ATF6: variants seen among roughly 807,000 people sequenced by gnomAD.
The protein encoded by ATF6 is cyclic AMP-dependent transcription factor ATF-6 alpha.
ATF6 carries 53 observed loss-of-function variants against 83.6 expected under a neutral mutation model. The observed-to-expected ratio is 0.63, with a 90% CI of 0.51 to 0.80. The LOEUF is 0.80. ATF6 is among the 30% of genes least tolerant of loss of function. ATF6 has a pLI of 0.00. For synonymous variants in ATF6, 288 were observed against 285.8 expected, an observed-to-expected ratio of 1.01 and a Z score of -0.08; for missense variants, 744 against 797.9, an observed-to-expected ratio of 0.93 and a Z score of 0.81.
intron 15 of ATF6, among the ~76,000 whole-genome samples, chr1:161,943,712 G>A (rs1407494586): frequency 2.6e-5 from 4 of 152,030 alleles, no homozygotes; most frequent in African/African-American, 4.8e-5. Context: ...GCCAGGTCTC[G>A]AACAAAAAAT....
intron 12 of ATF6, among the ~76,000 whole-genome samples, chr1:161,855,045 A>G (rs1334029507): frequency 6.6e-6 from 1 of 152,130 alleles, no homozygotes; most frequent in Non-Finnish European, 1.5e-5. Flanking sequence ...GCTCATAGCA[A>G]ACTTCATAGG....
chr1:161,935,357 C>T (rs1186639611), intron 15 of ATF6, among the ~76,000 whole-genome samples: 1 of 152,132 alleles, frequency 6.6e-6, no homozygotes, highest in Non-Finnish European at 1.5e-5. Context: ...GGGATTAGTG[C>T]TCTCATAAAA....
At chr1:161,879,045 A>C (rs146661322) in intron 14 of ATF6, among the ~76,000 whole-genome samples, 50 of 152,284 alleles carry the variant, frequency 3.3e-4, no homozygotes, top group African/African-American at 1.2e-3. Flanking sequence ...GAGAAGGGGC[A>C]AAAGGGTGGA....
At chr1:161,901,148 G>T (rs1687779135) in intron 14 of ATF6, among the ~76,000 whole-genome samples, 1 of 151,940 alleles carries the variant, frequency 6.6e-6, no homozygotes, top group African/African-American at 2.4e-5. Context: ...AATTTTTAAG[G>T]CTAGTCTTTT....
chr1:161,853,363 T>A (rs1233103385), intron 12 of ATF6, 40 bp downstream of exon 12: 1 of 1,515,282 alleles, frequency 6.6e-7, no homozygotes, highest in Non-Finnish European at 9.1e-7. Context: ...TTGGCGTATT[T>A]GTTGGAAGGC....
intron 15 of ATF6, among the ~76,000 whole-genome samples, chr1:161,949,242 A>G: frequency 6.6e-6 from 1 of 152,168 alleles, no homozygotes; most frequent in East Asian, 1.9e-4. Flanking sequence ...GTTTATTCCA[A>G]AATATATTTA....
intron 9 of ATF6, chr1:161,840,184 C>T (rs554212149): frequency 6.6e-6 from 1 of 152,280 alleles, no homozygotes; most frequent in Non-Finnish European, 1.5e-5. Context: ...TGTTATTTTT[C>T]ATGTTTTACA....
Position 161,959,529 on chromosome 1 carries a change from G to A in ATF6, c.*875G>A, listed in dbSNP as rs930545173. 3 of 151,974 alleles carry A rather than the reference G, an allele frequency of 2.0e-5. No individual in the cohort carries two copies. The highest frequency in any genetic ancestry group is 1.9e-4 in the East Asian group (1 of 5,192). 9.4% of individuals were successfully genotyped at this position (151,974 alleles called of 1,614,324 possible). Reference sequence around the variant, plus strand: ...ACTAAAAATACAAAAAATTAGCCGGGCGTAGTGACGGGCGCCTGTAGTCCC... The same window carrying A: ...ACTAAAAATACAAAAAATTAGCCGGACGTAGTGACGGGCGCCTGTAGTCCC... On this transcript the variant is annotated 3_prime_UTR_variant, in exon 16 of 16. Coordinates refer to ENST00000367942, the MANE Select transcript of ATF6 (RefSeq NM_007348.4).
intron 7 of ATF6, among the ~76,000 whole-genome samples, chr1:161,814,123 A>T (rs34461550): frequency 6.6e-6 from 1 of 152,132 alleles, no homozygotes; most frequent in African/African-American, 2.4e-5. Context: ...ACCTCAGGTG[A>T]TCCGCCCGCC....
chr1:161,853,407 G>GT (rs3215134), intron 12 of ATF6, 84 bp downstream of exon 12: 746,169 of 1,028,624 alleles, frequency 0.73, 279,344 homozygotes, highest in Admixed American at 0.8. Flanking sequence ...TCCCTAGAAG[G>GT]TTGGTAAACT....
At chr1:161,780,694 G>A (rs1327101107) in intron 2 of ATF6, among the ~76,000 whole-genome samples, 1 of 151,498 alleles carries the variant, frequency 6.6e-6, no homozygotes, top group Non-Finnish European at 1.5e-5. Context: ...TATTGTTGCT[G>A]TTTTTGTTGT....
chr1:161,940,657 C>G (rs1688624036), intron 15 of ATF6, among the ~76,000 whole-genome samples: 1 of 151,790 alleles, frequency 6.6e-6, no homozygotes, highest in Non-Finnish European at 1.5e-5. Context: ...CTCCCGGGTT[C>G]AAGCGATTCT....
At chr1:161,845,248 C>G (rs954255072) in intron 9 of ATF6, among the ~76,000 whole-genome samples, 1 of 152,164 alleles carries the variant, frequency 6.6e-6, no homozygotes, top group African/African-American at 2.4e-5. Flanking sequence ...AACCGCTTTT[C>G]CTTTAGAACC....
chr1:161,862,831 A>T (rs2101838588), intron 13 of ATF6, among the ~76,000 whole-genome samples: 1 of 152,256 alleles, frequency 6.6e-6, no homozygotes, highest in East Asian at 1.9e-4. Context: ...GGTGGTGAAA[A>T]ATGACTTTTC....
chr1:161,894,998 G>C (rs1016999829), intron 14 of ATF6, among the ~76,000 whole-genome samples: 1 of 151,998 alleles, frequency 6.6e-6, no homozygotes, highest in Non-Finnish European at 1.5e-5. Context: ...CAGCACTTTG[G>C]GGGGCCAAGG....
At chr1:161,806,951 T>C (rs1325740510) in intron 7 of ATF6, among the ~76,000 whole-genome samples, 1 of 152,134 alleles carries the variant, frequency 6.6e-6, no homozygotes, top group Admixed American at 6.5e-5. Context: ...CCTAGATGGA[T>C]GCCCTGCACA....
At chr1:161,789,842 G>T (rs78190180) in intron 4 of ATF6, among the ~76,000 whole-genome samples, 130 of 152,204 alleles carry the variant, frequency 8.5e-4, no homozygotes, top group Middle Eastern at 3.4e-3. Context: ...GTGTTACCTT[G>T]TACTCTTTGG....
At chr1:161,902,743 A>G (rs1288478529) in intron 14 of ATF6, among the ~76,000 whole-genome samples, 1 of 152,240 alleles carries the variant, frequency 6.6e-6, no homozygotes, top group Non-Finnish European at 1.5e-5. Flanking sequence ...AAAACAGATG[A>G]AAATGTCTGC....
intron 12 of ATF6, among the ~76,000 whole-genome samples, chr1:161,854,818 G>A (rs1686721893): frequency 2.0e-5 from 3 of 151,626 alleles, no homozygotes; most frequent in African/African-American, 7.3e-5. Flanking sequence ...CTTGGAGTGA[G>A]CCGAGATCAC....
Sources: allele counts gnomAD v4.1 joint callset (sites outside exome capture counted in the v4.1 genomes callset), GRCh38; gene constraint gnomAD v4.1.1; transcripts MANE v1.5; gene names NCBI Gene and HGNC (gene_info 2026-07-23, HGNC 2026-07-21).